Variants in CLVS1 observed in about 807,000 individuals in gnomAD.
The protein encoded by CLVS1 is clavesin-1.
Under a neutral mutation model 33.1 loss-of-function variants are expected in CLVS1, and 10 were observed. The observed-to-expected ratio is 0.30, with a 90% CI of 0.19 to 0.51. The LOEUF is 0.51. Ranked by LOEUF, CLVS1 falls within the 20% of genes least tolerant of loss-of-function variation. CLVS1 has a pLI of 0.97. For synonymous variants in CLVS1, 163 were observed against 166.1 expected (o/e 0.98, Z 0.14); for missense variants, 343 against 433.4 (o/e 0.79, Z 1.85).
At chr8:61,001,837 C>T in the CLVS1 span, among the ~76,000 whole-genome samples, 6 of 152,252 alleles carry the variant, frequency 3.9e-5, no homozygotes, top group South Asian at 2.1e-4. Context: ...TTTACACCAT[C>T]GTTGCCTATT....
At chr8:61,450,239 C>A (rs1816905142) in intron 3 of CLVS1, among the ~76,000 whole-genome samples, 1 of 152,208 alleles carries the variant, frequency 6.6e-6, no homozygotes, top group Admixed American at 6.5e-5. Flanking sequence ...CTTACCACAA[C>A]TCTTCCTTTG....
chr8:61,448,007 A>C (rs1816818134), intron 3 of CLVS1, among the ~76,000 whole-genome samples: 1 of 152,110 alleles, frequency 6.6e-6, no homozygotes, highest in African/African-American at 2.4e-5. Context: ...TGATTCTTGA[A>C]GAGCATTTTT....
intron 3 of CLVS1, among the ~76,000 whole-genome samples, chr8:61,380,946 T>C (rs1345969420): frequency 6.6e-6 from 1 of 152,192 alleles, no homozygotes; most frequent in Non-Finnish European, 1.5e-5. Flanking sequence ...CAGTCTTGTG[T>C]CCTGTAGGCT....
At chr8:61,462,859 T>G (rs1460291709) in intron 5 of CLVS1, among the ~76,000 whole-genome samples, 1 of 152,170 alleles carries the variant, frequency 6.6e-6, no homozygotes, top group Non-Finnish European at 1.5e-5. Context: ...CAACCTAAAG[T>G]CACCAGCTGC....
chr8:61,304,343 G>T (rs984106725), intron 2 of CLVS1, among the ~76,000 whole-genome samples: 1 of 152,254 alleles, frequency 6.6e-6, no homozygotes, highest in African/African-American at 2.4e-5. Context: ...GGCAACCGAG[G>T]CATAGGCAGT....
the CLVS1 span, among the ~76,000 whole-genome samples, chr8:61,020,323 C>G: frequency 6.1e-4 from 93 of 152,068 alleles, no homozygotes; most frequent in African/African-American, 2.2e-3. Flanking sequence ...GCTTTCTGGC[C>G]CTTATTGGAG....
chr8:61,112,786 T>G (rs576522094), intron 1 of CLVS1, among the ~76,000 whole-genome samples: 2 of 152,128 alleles, frequency 1.3e-5, no homozygotes, highest in African/African-American at 4.8e-5. Flanking sequence ...ACATTGCTCT[T>G]CTCTGTAGTT....
At chr8:61,304,253 C>T (rs1810535651) in intron 2 of CLVS1, among the ~76,000 whole-genome samples, 1 of 152,194 alleles carries the variant, frequency 6.6e-6, no homozygotes, top group East Asian at 1.9e-4. Context: ...GACACATGGA[C>T]AAAAGCTCAG....
At chr8:61,366,736 G>T (rs1390386287) in intron 2 of CLVS1, among the ~76,000 whole-genome samples, 1 of 152,168 alleles carries the variant, frequency 6.6e-6, no homozygotes, top group Non-Finnish European at 1.5e-5. Context: ...CTTGGTTGGA[G>T]CTGATGGTCT....
chr8:61,254,193 C>G (rs1196890613), intron 2 of CLVS1, among the ~76,000 whole-genome samples: 2 of 152,142 alleles, frequency 1.3e-5, no homozygotes, highest in Admixed American at 6.5e-5. Context: ...CACTCCAGAC[C>G]CTGTTTGCCT....
intron 2 of CLVS1, among the ~76,000 whole-genome samples, chr8:61,366,077 G>A (rs779887656): frequency 1.7e-4 from 26 of 152,274 alleles, no homozygotes; most frequent in Non-Finnish European, 3.5e-4. Flanking sequence ...TTTTATATTT[G>A]TTTAGTAATA....
the CLVS1 span, among the ~76,000 whole-genome samples, chr8:60,993,162 T>C: frequency 6.6e-6 from 1 of 152,248 alleles, no homozygotes; most frequent in African/African-American, 2.4e-5. Flanking sequence ...GGTGTACAGA[T>C]GATGACGGTC....
chr8:61,183,980 G>T (rs927402575), intron 2 of CLVS1, among the ~76,000 whole-genome samples: 2 of 152,172 alleles, frequency 1.3e-5, no homozygotes, highest in African/African-American at 4.8e-5. Context: ...CTGTAGGGAA[G>T]TGTGCCAGCT....
At chr8:61,394,546 G>T (rs1814441268) in intron 3 of CLVS1, among the ~76,000 whole-genome samples, 1 of 152,140 alleles carries the variant, frequency 6.6e-6, no homozygotes, top group African/African-American at 2.4e-5. Flanking sequence ...CAGGTTATCA[G>T]AGTTATATTC....
At chr8:61,355,950 A>G (rs907760286) in intron 2 of CLVS1, among the ~76,000 whole-genome samples, 3 of 152,212 alleles carry the variant, frequency 2.0e-5, no homozygotes, top group African/African-American at 7.2e-5. Context: ...GGCTGAGTCA[A>G]ATGGTATTTC....
upstream of CLVS1, among the ~76,000 whole-genome samples, chr8:61,285,537 A>G (rs1288149593): frequency 6.6e-6 from 1 of 152,210 alleles, no homozygotes; most frequent in African/African-American, 2.4e-5. Context: ...AGTCAATGAC[A>G]AGGGTGAAGG....
chr8:60,991,744 CTTTTTTTTTT>C, the CLVS1 span, among the ~76,000 whole-genome samples: 11 of 118,970 alleles, frequency 9.2e-5, no homozygotes, highest in African/African-American at 3.6e-4. Flanking sequence ...AAGCCCCACT[CTTTTTTTTTT>C]TTTTTTTTTT....
chr8:61,495,743 A>G (rs572468976), intron 5 of CLVS1, among the ~76,000 whole-genome samples: 6 of 152,354 alleles, frequency 3.9e-5, no homozygotes, highest in Middle Eastern at 3.4e-3. Context: ...TGCAACTCTA[A>G]ATTGCCTCAA....
intron 2 of CLVS1, among the ~76,000 whole-genome samples, chr8:61,259,544 T>A (rs963876694): frequency 3.3e-5 from 5 of 152,214 alleles, no homozygotes; most frequent in African/African-American, 1.2e-4. Flanking sequence ...TGATTAACTA[T>A]GGCAGTAACT....
Sources: allele counts gnomAD v4.1 joint callset (sites outside exome capture counted in the v4.1 genomes callset), GRCh38; gene constraint gnomAD v4.1.1; transcripts MANE v1.5; gene names NCBI Gene and HGNC (gene_info 2026-07-23, HGNC 2026-07-21).